CCDC138: variants seen among roughly 807,000 people sequenced by gnomAD.
CCDC138 encodes coiled-coil domain containing 138.
A neutral mutation model predicts 82.3 loss-of-function variants in CCDC138; 66 were observed. The observed-to-expected ratio is 0.80, with a 90% CI of 0.66 to 0.98. The LOEUF (loss-of-function observed/expected upper bound fraction) is 0.98. Ranked by LOEUF, CCDC138 falls within the 50% of genes least tolerant of loss-of-function variation. The pLI is 0.00. For missense variants in CCDC138, 816 were observed against 758.9 expected (o/e 1.08, Z -0.88); for synonymous variants, 297 against 265.4 (o/e 1.12, Z -1.16).
intron 13 of CCDC138, among the ~76,000 whole-genome samples, chr2:108,868,432 G>A (rs528942584): frequency 6.6e-6 from 1 of 152,264 alleles, no homozygotes; most frequent in South Asian, 2.1e-4. Context: ...CAAAAGCACT[G>A]AAAAATTTGT....
At chr2:108,856,418 C>A (rs1692613052) in intron 12 of CCDC138, among the ~76,000 whole-genome samples, 1 of 152,110 alleles carries the variant, frequency 6.6e-6, no homozygotes, top group Non-Finnish European at 1.5e-5. Context: ...AAAACATAAT[C>A]TTAGAAAGCT....
chr2:108,851,934 C>G (rs1204940524), intron 12 of CCDC138, among the ~76,000 whole-genome samples: 2 of 152,102 alleles, frequency 1.3e-5, no homozygotes, highest in African/African-American at 4.8e-5. Flanking sequence ...GATAATTGTG[C>G]CAAAACGATA....
At chr2:108,830,830 A>C (rs189787789) in intron 10 of CCDC138, among the ~76,000 whole-genome samples, 6 of 151,430 alleles carry the variant, frequency 4.0e-5, no homozygotes, top group East Asian at 2.0e-4. Flanking sequence ...AAAAAAAAAA[A>C]CCAAAGCTTG....
chr2:108,878,016 T>A (rs1293521603), downstream of CCDC138, among the ~76,000 whole-genome samples: 1 of 152,228 alleles, frequency 6.6e-6, no homozygotes, highest in Non-Finnish European at 1.5e-5. Flanking sequence ...GACAATGGAA[T>A]GACAGCTTCA....
At chr2:108,819,328 C>T (rs528630909) in intron 10 of CCDC138, among the ~76,000 whole-genome samples, 9 of 152,138 alleles carry the variant, frequency 5.9e-5, no homozygotes, top group Non-Finnish European at 1.0e-4. Context: ...TATTCCCTAC[C>T]GTCTCCCTTG....
intron 10 of CCDC138, among the ~76,000 whole-genome samples, chr2:108,834,762 C>T (rs1412765789): frequency 6.6e-6 from 1 of 152,160 alleles, no homozygotes; most frequent in African/African-American, 2.4e-5. Context: ...CCCATTCCTC[C>T]CTCCCCTGTA....
rs143714627 is a variant in CCDC138 at position 108,829,246 on chromosome 2, T to C, written c.1207-9939T>C. ...AATTGTGTATCTGACAAGCGATTGC[T>C]ACCCACAATATATAAGGAACTCCTT... On this transcript the variant is annotated intron_variant, in intron 10 of 14. Transcript: ENST00000295124. Among the ~76,000 whole-genome samples, 760 of 152,266 alleles carry C rather than the reference T, an allele frequency of 5.0e-3. 4 individuals are homozygous for C. The highest frequency in any genetic ancestry group is 0.021 in the South Asian group (102 of 4,824).
chr2:108,815,533 C>A (rs987259601), intron 9 of CCDC138, among the ~76,000 whole-genome samples: 1 of 121,142 alleles, frequency 8.3e-6, no homozygotes, highest in African/African-American at 3.1e-5. Context: ...GTGGTGCGAT[C>A]TCGGCTCACT....
chr2:108,843,915 G>A (rs144584976), intron 11 of CCDC138, among the ~76,000 whole-genome samples: 3,024 of 113,952 alleles, frequency 0.027, 138 homozygotes, highest in African/African-American at 0.091. Flanking sequence ...TTTTGAGACA[G>A]GGTCTTGCTC....
chr2:108,864,663 C>T (rs1193854046), intron 13 of CCDC138, among the ~76,000 whole-genome samples: 1 of 151,938 alleles, frequency 6.6e-6, no homozygotes, highest in Non-Finnish European at 1.5e-5. Flanking sequence ...GCGTGGTGGC[C>T]CACGCCTGTA....
At chr2:108,882,251 C>G (rs1696312536) in intron 1 of CCDC138, 1 of 151,852 alleles carries the variant, frequency 6.6e-6, no homozygotes, top group South Asian at 2.1e-4. Context: ...ATGCAAATTA[C>G]CAAAATGTGA....
At position 108,812,718 on chromosome 2, in the gene CCDC138, C is replaced by T. The variant is rs763168047; in HGVS notation, c.933+10C>T. ...TTTAGATAATTTACAGGTAAGTTGCCTGTTCTTCTCTACAGACAGAAGTAT... is the reference window on the plus strand; with the variant it reads ...TTTAGATAATTTACAGGTAAGTTGCTTGTTCTTCTCTACAGACAGAAGTAT... On this transcript the variant is annotated intron_variant, in intron 8 of 14. Transcript: ENST00000295124. The T allele has an allele frequency of 1.2e-6, 2 of 1,606,218 alleles. No homozygotes were observed. The highest frequency in any genetic ancestry group is 1.7e-6 in the Non-Finnish European group (2 of 1,173,178).
chr2:108,838,325 T>G (rs990695494), intron 10 of CCDC138, among the ~76,000 whole-genome samples: 6 of 152,058 alleles, frequency 3.9e-5, no homozygotes, highest in African/African-American at 1.4e-4. Flanking sequence ...TACAGAAAAT[T>G]TTACAAAATA....
At chr2:108,793,832 G>A (rs1180894287) in intron 4 of CCDC138, among the ~76,000 whole-genome samples, 3 of 151,592 alleles carry the variant, frequency 2.0e-5, no homozygotes, top group African/African-American at 7.3e-5. Flanking sequence ...TCAATCTCCT[G>A]ACCTCATGAT....
chr2:108,808,028 G>A (rs2149738980), intron 7 of CCDC138, among the ~76,000 whole-genome samples: 1 of 152,220 alleles, frequency 6.6e-6, no homozygotes, highest in Middle Eastern at 3.4e-3. Context: ...AGATCAACTT[G>A]TTTTTTAGCT....
intron 12 of CCDC138, among the ~76,000 whole-genome samples, chr2:108,847,603 A>G (rs925882117): frequency 1.3e-5 from 2 of 152,248 alleles, no homozygotes; most frequent in South Asian, 4.1e-4. Context: ...TTTAATATTT[A>G]GCTATAACAG....
At chr2:108,828,774 C>T (rs1310161436) in intron 10 of CCDC138, among the ~76,000 whole-genome samples, 2 of 152,056 alleles carry the variant, frequency 1.3e-5, no homozygotes, top group Non-Finnish European at 2.9e-5. Flanking sequence ...GTCAGGAGTT[C>T]GAGACCAGCC....
rs763807383 is a variant in CCDC138 at position 108,816,072 on chromosome 2, C to A, written c.1173C>A (p.Ser391=). 41 of 1,612,604 alleles carry A rather than the reference C, an allele frequency of 2.5e-5. No homozygotes were observed. The highest frequency in any genetic ancestry group is 3.4e-5 in the Non-Finnish European group (40 of 1,179,402). ...DGKKPQLKFA[S]QRNDIQEKCV... is the part of the protein sequence containing the mutation. ...AAAAACCACAACTCAAATTTGCTTC[C>A]CAGAGAAATGATATTCAGGAGAAGT... Residue 391 remains serine, a synonymous_variant, in exon 10 of 15, where the codon TCC becomes TCA. Coordinates refer to ENST00000295124, the MANE Select transcript of CCDC138 (RefSeq NM_144978.3).
intron 11 of CCDC138, among the ~76,000 whole-genome samples, chr2:108,845,468 G>A (rs1690278812): frequency 6.6e-6 from 1 of 152,106 alleles, no homozygotes; most frequent in South Asian, 2.1e-4. Context: ...TCAGTCACAT[G>A]AGATTGGAGA....
Sources: gnomAD v4.1 joint callset for allele counts (sites outside exome capture counted in the v4.1 genomes callset) on GRCh38, gnomAD v4.1.1 for gene constraint, MANE v1.5 for transcripts, NCBI Gene and HGNC (gene_info 2026-07-23, HGNC 2026-07-21) for gene names.